Variants in ZKSCAN4 observed in about 807,000 individuals in gnomAD.
ZKSCAN4 encodes the protein zinc finger protein with KRAB and SCAN domains 4.
A neutral mutation model predicts 30.8 loss-of-function variants in ZKSCAN4; 23 were observed. That is an observed-to-expected ratio of 0.75 (90% confidence interval 0.54 to 1.06). The LOEUF (loss-of-function observed/expected upper bound fraction) is 1.06, where lower values mean the gene tolerates loss of function less well. Among genes scored for constraint, ZKSCAN4 ranks in the 50% least tolerant of loss-of-function variants. The pLI is 0.00. For synonymous variants in ZKSCAN4, 208 were observed against 252.5 expected (o/e 0.82, Z 1.67); for missense variants, 556 against 665.4 (o/e 0.84, Z 1.81).
rs1760507523 is a variant in ZKSCAN4, at chr6:28,241,795, C to A, written c.*3321G>T. On this transcript the variant is annotated 3_prime_UTR_variant, in exon 5 of 5. Coordinates refer to ENST00000377294, the MANE Select transcript of ZKSCAN4 (RefSeq NM_019110.5). ...CAAAGTGTTAATCTCCATTTCTCTA[C>A]CAGTTAGCAACATTTTCAGAGTTTT... is the stretch of plus-strand genomic sequence containing the variant. 6.6e-6 allele frequency among the ~76,000 whole-genome samples: 1 copy of A among 152,132 alleles called. No homozygotes were observed. The highest frequency in any genetic ancestry group is 2.1e-4 in the South Asian group (1 of 4,832).
chr6:28,244,843 A>G lies in ZKSCAN4; in HGVS notation c.*273T>C, dbSNP rs760036398. 2.6e-5 allele frequency: 12 copies of G among 464,350 alleles called. No individual in the cohort carries two copies. Among genetic ancestry groups the G allele is most frequent in the Non-Finnish European group, 4.4e-5 (11 of 252,788 alleles). 28.8% of individuals were successfully genotyped at this position (464,350 alleles called of 1,614,324 possible). On this transcript the variant is annotated 3_prime_UTR_variant, in exon 5 of 5. Coordinates refer to ENST00000377294, the MANE Select transcript of ZKSCAN4 (RefSeq NM_019110.5). ...GCTGAGGGCAATTAACAAGTCCAGA[A>G]GGCCATTTAAATACACTGGGTGAGA...
chr6:28,245,893 C>T lies in ZKSCAN4; in HGVS notation c.861G>A (p.Leu287=). The T allele has an allele frequency of 6.2e-7, 1 of 1,614,224 alleles. No individual in the cohort carries two copies. Residue 287 remains leucine, a synonymous_variant, in exon 5 of 5, where the codon CTG becomes CTA. Transcript: ENST00000377294. ...PEKEHGKICH[L]REDIAQIPTH... ...TAGGAATCTGGGCAATGTCTTCCCT[C>T]AGGTGGCATATCTTCCCATGCTCCT...
At position 28,251,269 on chromosome 6, in the gene ZKSCAN4, T is replaced by C. The variant is rs527623592; in HGVS notation, c.423+289A>G. 3.9e-5 allele frequency among the ~76,000 whole-genome samples: 6 copies of C among 152,346 alleles called. 1 individual carries two copies. The highest frequency in any genetic ancestry group is 1.4e-4 in the African/African-American group (6 of 41,586). ...TAAGCCCTGTCCCTAGGTCTTATTA[T>C]TTAGTGCAGTAATAAAAATCCACAT... On this transcript the variant is annotated intron_variant, in intron 1 of 4. Transcript: ENST00000377294. The surrounding 1 kb of genome is among the most constrained non-coding windows in gnomAD (Gnocchi z 4.5).
chr6:28,253,942 AC>A (rs1761104714), upstream of ZKSCAN4, among the ~76,000 whole-genome samples: 1 of 152,172 alleles, frequency 6.6e-6, no homozygotes, highest in African/African-American at 2.4e-5. The surrounding 1 kb of genome is among the most constrained non-coding windows in gnomAD (Gnocchi z 4.2). Flanking sequence ...GTGAGCCACC[AC>A]GCCTGGCCAA....
intron 4 of ZKSCAN4, among the ~76,000 whole-genome samples, chr6:28,246,610 T>C (rs938551328): frequency 6.6e-6 from 1 of 152,078 alleles, no homozygotes; most frequent in Non-Finnish European, 1.5e-5. Flanking sequence ...TGCTTCTGGC[T>C]CTCACGTTCT....
At chr6:28,256,527 C>T (rs898198500), upstream of ZKSCAN4, among the ~76,000 whole-genome samples, 1 of 152,214 alleles carries the variant, frequency 6.6e-6, no homozygotes, top group African/African-American at 2.4e-5. Context: ...CCTGTGAGAA[C>T]AATTCCATTT....
rs1003924853 is a variant in ZKSCAN4 at position 28,243,439 on chromosome 6, G to A, written c.*1677C>T. Among the ~76,000 whole-genome samples the A allele has an allele frequency of 4.6e-5, 7 of 152,286 alleles. No individual in the cohort carries two copies. In the East Asian group the frequency reaches 9.7e-4, roughly 21 times the overall value. On this transcript the variant is annotated 3_prime_UTR_variant, in exon 5 of 5. Transcript: ENST00000377294. Reference sequence around the variant, plus strand: ...AATCCATTCATGACAGTCTGGCAATGCTGGAAGATGGTAATAGGCACTTGA... The same window carrying A: ...AATCCATTCATGACAGTCTGGCAATACTGGAAGATGGTAATAGGCACTTGA...
upstream of ZKSCAN4, among the ~76,000 whole-genome samples, chr6:28,253,013 T>C (rs1353588289): frequency 6.6e-6 from 1 of 152,168 alleles, no homozygotes; most frequent in African/African-American, 2.4e-5. The surrounding 1 kb of genome is among the most constrained non-coding windows in gnomAD (Gnocchi z 4.2). Context: ...TTACCCTCCC[T>C]GTGCCCGACT....
Position 28,249,586 on chromosome 6 carries a change from G to A in ZKSCAN4, c.571+101C>T. On this transcript the variant is annotated intron_variant, in intron 2 of 4. Transcript: ENST00000377294. This position sits in a 1 kb window ranked among gnomAD's most constrained non-coding sequence, Gnocchi z 4.1. The stretch of plus-strand genomic sequence containing the variant: ...TCAGTCTTAAAATACAGCTCTCTGT[G>A]ATGAGTATATAAAGTAACTGTAAAT... 3.0e-6 allele frequency: 4 copies of A among 1,355,384 alleles called. No homozygotes were observed. The highest frequency in any genetic ancestry group is 4.0e-6 in the Non-Finnish European group (4 of 1,005,670). The allele number at this position is 1,355,384 out of a possible 1,614,324, so 84.0% of individuals were successfully genotyped here.
chr6:28,249,772 AG>A lies in ZKSCAN4; in HGVS notation c.485del (p.Thr162IlefsTer12). On this transcript the variant is annotated frameshift_variant, in exon 2 of 5. Transcript: ENST00000377294. LOFTEE classifies it high-confidence loss of function. This position sits in a 1 kb window ranked among gnomAD's most constrained non-coding sequence, Gnocchi z 4.1. ...LCCKMALLTQ[T>X]QGSQSSQCQP... ...GGCACTGGCTACTTTGAGACCCTTG[AG>A]TTTGTGTCAATAGTGCCATCTTGCA... 6.2e-7 allele frequency: 1 copy of A among 1,614,130 alleles called. No individual in the cohort carries two copies. The highest frequency in any genetic ancestry group is 1.7e-5 in the Admixed American group (1 of 60,022).
chr6:28,248,136 A>G lies in ZKSCAN4; in HGVS notation c.585T>C (p.Pro195=), dbSNP rs765379082. The stretch of plus-strand genomic sequence containing the variant: ...TGCAGCACCCTCCCTGGGCAAGCCC[A>G]GGAACCTGGAGAACTAAGAAAGAAA... ...QPLHDRVLQV[P]GLAQGGCCRE... is the part of the protein sequence containing the mutation. The change falls in exon 3 of 5, where the codon CCT becomes CCC. Residue 195 remains proline, a synonymous_variant. Coordinates refer to ENST00000377294, the MANE Select transcript of ZKSCAN4 (RefSeq NM_019110.5). The G allele has an allele frequency of 1.2e-6, 2 of 1,613,388 alleles. No homozygotes were observed. The highest frequency in any genetic ancestry group is 8.5e-7 in the Non-Finnish European group (1 of 1,179,602).
chr6:28,252,533 G>C (rs1761053200), upstream of ZKSCAN4, among the ~76,000 whole-genome samples: 1 of 152,012 alleles, frequency 6.6e-6, no homozygotes, highest in Non-Finnish European at 1.5e-5. Context: ...GCATAAAATT[G>C]ACACTAAAAT....
chr6:28,253,840 G>C (rs1326948355), upstream of ZKSCAN4, among the ~76,000 whole-genome samples: 2 of 152,150 alleles, frequency 1.3e-5, no homozygotes, highest in East Asian at 3.9e-4. The surrounding 1 kb of genome is among the most constrained non-coding windows in gnomAD (Gnocchi z 4.2). Flanking sequence ...CGAGTAGCTG[G>C]GATTACAGAC....
chr6:28,253,199 G>A (rs1226543655), upstream of ZKSCAN4, among the ~76,000 whole-genome samples: 5 of 152,172 alleles, frequency 3.3e-5, no homozygotes, highest in Non-Finnish European at 7.3e-5. The surrounding 1 kb of genome is among the most constrained non-coding windows in gnomAD (Gnocchi z 4.2). Context: ...GAACTAGATG[G>A]GACTCGATTT....
In ZKSCAN4 at chr6:28,249,691, A is replaced by G. The variant is rs1469672437; in HGVS notation, c.567T>C (p.Asp189=). The part of the protein sequence containing the change: ...HESLGSQPLH[D]RVLQVPGLAQ... ...AACCCAGAAGAGAATACTCACCTCT[A>G]TCGTGTAAGGGCTGGGATCCCAGAG... The change falls in exon 2 of 5, where the codon GAT becomes GAC. Residue 189 remains aspartate, a synonymous_variant. Transcript: ENST00000377294. The surrounding 1 kb of genome is among the most constrained non-coding windows in gnomAD (Gnocchi z 4.1). 1.9e-6 allele frequency: 3 copies of G among 1,613,778 alleles called. No homozygotes were observed. The highest frequency in any genetic ancestry group is 2.5e-6 in the Non-Finnish European group (3 of 1,179,922).
chr6:28,254,690 A>T (rs559344254), upstream of ZKSCAN4, among the ~76,000 whole-genome samples: 1 of 152,374 alleles, frequency 6.6e-6, no homozygotes, highest in East Asian at 1.9e-4. Flanking sequence ...AAATCTCTGG[A>T]TACCATATCT....
Position 28,249,693 on chromosome 6 carries a change from C to T in ZKSCAN4, c.565G>A (p.Asp189Asn), listed in dbSNP as rs776417972. 12 of 1,613,718 alleles carry T rather than the reference C, an allele frequency of 7.4e-6. No homozygotes were observed. The Admixed American group carries it at 1.0e-4, about 13-fold the overall frequency. Residue 189 changes from aspartate (D) to asparagine (N), a missense_variant, in exon 2 of 5, where the codon GAT (aspartate) becomes AAT (asparagine). Physicochemically the swap from Asp to Asn is conservative, Grantham distance 23. Transcript: ENST00000377294. This position sits in a 1 kb window ranked among gnomAD's most constrained non-coding sequence, Gnocchi z 4.1. ...CCCAGAAGAGAATACTCACCTCTAT[C>T]GTGTAAGGGCTGGGATCCCAGAGAT... ...HESLGSQPLH[D>N]RVLQVPGLAQ...
chr6:28,256,548 T>C (rs139096150), upstream of ZKSCAN4, among the ~76,000 whole-genome samples: 1 of 152,364 alleles, frequency 6.6e-6, no homozygotes, highest in African/African-American at 2.4e-5. Flanking sequence ...TAGCTGAGCA[T>C]TCAACATCTG....
chr6:28,246,030 C>T (rs749336086), intron 4 of ZKSCAN4, 55 bp from the exon 5 acceptor site: 223 of 1,612,294 alleles, frequency 1.4e-4, no homozygotes, highest in Non-Finnish European at 1.9e-4. Flanking sequence ...GGGAGGAAAG[C>T]TCTGTGATGA....
Sources: allele counts gnomAD v4.1 joint callset (sites outside exome capture counted in the v4.1 genomes callset), GRCh38; gene constraint gnomAD v4.1.1; non-coding constraint Gnocchi (gnomAD v3.1); transcripts MANE v1.5; gene names NCBI Gene and HGNC (gene_info 2026-07-23, HGNC 2026-07-21).